Variants in PIP5K1B observed in about 807,000 individuals in gnomAD.
The protein encoded by PIP5K1B is phosphatidylinositol 4-phosphate 5-kinase type-1 beta.
Under a neutral mutation model 67.0 loss-of-function variants are expected in PIP5K1B, and 42 were observed. That is an observed-to-expected ratio of 0.63 (90% CI 0.49 to 0.81). The LOEUF (loss-of-function observed/expected upper bound fraction) is 0.81, where lower values mean the gene tolerates loss of function less well. PIP5K1B is among the 30% of genes least tolerant of loss of function. The pLI, the probability that PIP5K1B is intolerant of heterozygous loss-of-function variation, is 0.00. For synonymous variants in PIP5K1B, 214 were observed against 231.4 expected (o/e 0.92, Z 0.68); for missense variants, 459 against 646.3 (o/e 0.71, Z 3.14).
At chr9:68,764,540 C>A (rs1159505238) in intron 2 of PIP5K1B, among the ~76,000 whole-genome samples, 1 of 151,922 alleles carries the variant, frequency 6.6e-6, no homozygotes, top group Non-Finnish European at 1.5e-5. Context: ...CTACTGTAGG[C>A]CTTTAGAATT....
intron 2 of PIP5K1B, among the ~76,000 whole-genome samples, chr9:68,806,543 T>G (rs916264135): frequency 2.0e-5 from 3 of 152,226 alleles, no homozygotes; most frequent in Non-Finnish European, 2.9e-5. Context: ...CAGCAGATGT[T>G]CCTTAATTTG....
At position 68,705,256 on chromosome 9, in the gene PIP5K1B, C is replaced by A. The variant is rs1203335026; in HGVS notation, c.-749C>A. Among the ~76,000 whole-genome samples the A allele has an allele frequency of 6.6e-6, 1 of 151,832 alleles. No homozygotes were observed. Among genetic ancestry groups the A allele is most frequent in the Non-Finnish European group, 1.5e-5 (1 of 67,908 alleles). Reference sequence around the variant, plus strand: ...CAGCCGGCTCTCTCTGCGCCTCGCTCCGACTCCGGCGCGCACCAAGCGGGA... The same window carrying A: ...CAGCCGGCTCTCTCTGCGCCTCGCTACGACTCCGGCGCGCACCAAGCGGGA... On this transcript the variant is annotated 5_prime_UTR_variant, in exon 1 of 16. Transcript: ENST00000265382.
intron 2 of PIP5K1B, among the ~76,000 whole-genome samples, chr9:68,777,665 GTTTTA>G (rs1475946681): frequency 6.6e-6 from 1 of 152,112 alleles, no homozygotes; most frequent in Non-Finnish European, 1.5e-5. Flanking sequence ...TAGCATATAT[GTTTTA>G]TTTTGTGGGC....
intron 2 of PIP5K1B, among the ~76,000 whole-genome samples, chr9:68,801,115 T>A (rs1403304454): frequency 2.0e-5 from 3 of 152,216 alleles, no homozygotes; most frequent in Non-Finnish European, 2.9e-5. Flanking sequence ...CAGATGCCCC[T>A]GCCTTCCTTC....
chr9:68,950,531 G>A (rs975264275), intron 14 of PIP5K1B, among the ~76,000 whole-genome samples: 2 of 152,140 alleles, frequency 1.3e-5, no homozygotes, highest in South Asian at 4.1e-4. Context: ...CCCAACCACT[G>A]TATTTCCATT....
At chr9:68,723,575 G>A (rs1827995456) in intron 1 of PIP5K1B, among the ~76,000 whole-genome samples, 1 of 151,390 alleles carries the variant, frequency 6.6e-6, no homozygotes, top group Non-Finnish European at 1.5e-5. Context: ...GTTTTGATTT[G>A]CATCTCCCTG....
chr9:68,801,498 G>C (rs1832602655), intron 2 of PIP5K1B, among the ~76,000 whole-genome samples: 1 of 152,158 alleles, frequency 6.6e-6, no homozygotes, highest in African/African-American at 2.4e-5. Context: ...ACCCTGCCAG[G>C]TGGGAGAGAT....
rs532807856 is a variant in PIP5K1B, at chr9:68,726,910, T to A, written c.-242-15591T>A. Among the ~76,000 whole-genome samples, 25 of 152,310 alleles carry A rather than the reference T, an allele frequency of 1.6e-4. No individual in the cohort carries two copies. The South Asian group carries it at 4.8e-3, about 29-fold the overall frequency. The stretch of plus-strand genomic sequence containing the variant: ...GCTAATCATGTTGAGCATCTTTTCA[T>A]GTGCCTATTTGCCATTCTTATATGA... On this transcript the variant is annotated intron_variant, in intron 1 of 15. Coordinates refer to ENST00000265382, the MANE Select transcript of PIP5K1B (RefSeq NM_003558.4).
intron 7 of PIP5K1B, among the ~76,000 whole-genome samples, chr9:68,890,900 T>C (rs949696793): frequency 1.3e-5 from 2 of 152,194 alleles, no homozygotes; most frequent in Non-Finnish European, 2.9e-5. Flanking sequence ...ATACTTGTCC[T>C]CTTGTAAAAC....
At chr9:68,885,545 A>G (rs1824423553) in intron 6 of PIP5K1B, among the ~76,000 whole-genome samples, 1 of 152,254 alleles carries the variant, frequency 6.6e-6, no homozygotes, top group Non-Finnish European at 1.5e-5. Flanking sequence ...TGATCAAAAC[A>G]TCACATACCC....
rs772511117 is a variant in PIP5K1B, at chr9:68,970,672, TC to T, written c.1503-20467del. ...GAAAATGGGCTGTTGCTTTCAAAAA[TC>T]ATGTTCATTTAAATTGTGTTTTTAC... On this transcript the variant is annotated intron_variant, in intron 14 of 15. Coordinates refer to ENST00000265382, the MANE Select transcript of PIP5K1B (RefSeq NM_003558.4). 2.0e-5 allele frequency among the ~76,000 whole-genome samples: 3 copies of T among 152,250 alleles called. No individual in the cohort carries two copies. In the East Asian group the frequency reaches 5.8e-4, roughly 29 times the overall value.
chr9:68,834,328 T>C (rs1353039000), intron 4 of PIP5K1B, among the ~76,000 whole-genome samples: 2 of 152,178 alleles, frequency 1.3e-5, no homozygotes, highest in African/African-American at 4.8e-5. Flanking sequence ...ATGTCTTCAT[T>C]CCAGAAACAG....
intron 2 of PIP5K1B, among the ~76,000 whole-genome samples, chr9:68,793,189 G>A (rs537460117): frequency 1.9e-5 from 2 of 103,806 alleles, no homozygotes; most frequent in South Asian, 7.4e-4. Context: ...AGTTAGAGGG[G>A]GGTTAGAGAG....
chr9:68,791,410 A>G (rs1347045531), intron 2 of PIP5K1B, among the ~76,000 whole-genome samples: 1 of 152,130 alleles, frequency 6.6e-6, no homozygotes, highest in Non-Finnish European at 1.5e-5. Context: ...GGCACTGTAA[A>G]TGTTCTCTTG....
chr9:68,941,954 A>AGTGG (rs1827581135), intron 14 of PIP5K1B, among the ~76,000 whole-genome samples: 1 of 152,178 alleles, frequency 6.6e-6, no homozygotes, highest in Non-Finnish European at 1.5e-5. Flanking sequence ...AAGTAGATCA[A>AGTGG]GTGGGTAGCA....
At chr9:68,989,094 C>CAAAAAAAA (rs71353097) in intron 14 of PIP5K1B, among the ~76,000 whole-genome samples, 4 of 55,990 alleles carry the variant, frequency 7.1e-5, no homozygotes, top group Admixed American at 5.6e-4. Flanking sequence ...GACTCCGTCT[C>CAAAAAAAA]AAAAAAAAAA....
intron 2 of PIP5K1B, among the ~76,000 whole-genome samples, chr9:68,767,819 T>G (rs1424806596): frequency 6.6e-6 from 1 of 152,096 alleles, no homozygotes; most frequent in Non-Finnish European, 1.5e-5. Context: ...GTTACATGAC[T>G]GTTTAAGTTT....
chr9:68,942,254 T>C (rs1827596895), intron 14 of PIP5K1B, among the ~76,000 whole-genome samples: 1 of 152,184 alleles, frequency 6.6e-6, no homozygotes, highest in East Asian at 1.9e-4. Context: ...TGCTCTCAAA[T>C]ATAAATAGCA....
At chr9:68,727,594 A>G (rs561103252) in intron 1 of PIP5K1B, 50 of 152,308 alleles carry the variant, frequency 3.3e-4, no homozygotes, top group African/African-American at 1.1e-3. Flanking sequence ...GCTGCATTCT[A>G]GGTACTTTCT....
Sources: gnomAD v4.1 joint callset for allele counts (sites outside exome capture counted in the v4.1 genomes callset) on GRCh38, gnomAD v4.1.1 for gene constraint, MANE v1.5 for transcripts, NCBI Gene and HGNC (gene_info 2026-07-23, HGNC 2026-07-21) for gene names.